Variants in ATP8A1 observed in about 807,000 individuals in gnomAD.
ATP8A1 encodes the protein phospholipid-transporting ATPase IA.
Under a neutral mutation model 177.7 loss-of-function variants are expected in ATP8A1, and 90 were observed. The observed-to-expected ratio is 0.51, with a 90% CI of 0.43 to 0.60. The LOEUF (loss-of-function observed/expected upper bound fraction) is 0.60. ATP8A1 is among the 20% of genes least tolerant of loss of function. The pLI is 0.00. For missense variants in ATP8A1, 1,072 were observed against 1,392.8 expected (o/e 0.77, Z 3.67); for synonymous variants, 493 against 485.9 (o/e 1.01, Z -0.19).
intron 25 of ATP8A1, among the ~76,000 whole-genome samples, chr4:42,482,394 C>T (rs1484059165): frequency 6.6e-6 from 1 of 151,410 alleles, no homozygotes; most frequent in Admixed American, 6.6e-5. Context: ...GGTTTCATTC[C>T]ACTTCTTGGG....
At position 42,556,051 on chromosome 4, in the gene ATP8A1, T is replaced by C. The variant is rs368752299; in HGVS notation, c.1341-11A>G. 23 of 1,600,798 alleles carry C rather than the reference T, an allele frequency of 1.4e-5. No homozygotes were observed. In the African/African-American group the frequency reaches 3.0e-4, roughly 21 times the overall value. The stretch of plus-strand genomic sequence containing the variant: ...AACTGTGAGTTCTGCCTGAAGGGGG[T>C]AAAAAATAGAGTAAACCCAGTTCAT... On this transcript the variant is annotated splice_polypyrimidine_tract_variant and intron_variant, in intron 15 of 36. Transcript: ENST00000381668.
At chr4:42,492,997 T>G (rs1260653966) in intron 24 of ATP8A1, among the ~76,000 whole-genome samples, 1 of 152,130 alleles carries the variant, frequency 6.6e-6, no homozygotes, top group Admixed American at 6.5e-5. Context: ...TGAAACGAGG[T>G]AACTGGAGGC....
intron 24 of ATP8A1, among the ~76,000 whole-genome samples, chr4:42,502,237 T>G (rs1723929849): frequency 6.6e-6 from 1 of 152,190 alleles, no homozygotes; most frequent in Non-Finnish European, 1.5e-5. Context: ...TACCAATGTT[T>G]GCTCTGGTAG....
intron 15 of ATP8A1, among the ~76,000 whole-genome samples, chr4:42,567,287 C>T (rs1434710215): frequency 6.6e-6 from 1 of 152,086 alleles, no homozygotes; most frequent in Non-Finnish European, 1.5e-5. Context: ...ACCTGTAATC[C>T]CAGCACTTTG....
chr4:42,506,048 T>C (rs1212364008), intron 23 of ATP8A1, among the ~76,000 whole-genome samples: 1 of 152,184 alleles, frequency 6.6e-6, no homozygotes, highest in African/African-American at 2.4e-5. Flanking sequence ...TCCCAATTCC[T>C]ATGCTGAACT....
At chr4:42,478,745 C>T (rs1246574072) in intron 25 of ATP8A1, among the ~76,000 whole-genome samples, 3 of 152,144 alleles carry the variant, frequency 2.0e-5, no homozygotes, top group African/African-American at 7.2e-5. Context: ...ATATTTATGG[C>T]CCTGGGTTCT....
At chr4:42,501,560 T>G (rs571229786) in intron 24 of ATP8A1, among the ~76,000 whole-genome samples, 1 of 152,286 alleles carries the variant, frequency 6.6e-6, no homozygotes, top group Non-Finnish European at 1.5e-5. Flanking sequence ...ACTTAAATGC[T>G]AATTATTCTT....
intron 25 of ATP8A1, among the ~76,000 whole-genome samples, chr4:42,473,373 T>A (rs996606759): frequency 2.0e-5 from 3 of 152,128 alleles, no homozygotes; most frequent in Non-Finnish European, 4.4e-5. Context: ...GAGACAGAAA[T>A]TTTTCCTGCA....
chr4:42,421,118 T>C (rs1481081024), intron 35 of ATP8A1, among the ~76,000 whole-genome samples: 1 of 152,112 alleles, frequency 6.6e-6, no homozygotes, highest in Non-Finnish European at 1.5e-5. Flanking sequence ...ACTGACATAA[T>C]TAATTTACTA....
chr4:42,651,564 T>C (rs1390619161), intron 1 of ATP8A1, among the ~76,000 whole-genome samples: 2 of 152,322 alleles, frequency 1.3e-5, no homozygotes, highest in East Asian at 3.9e-4. Context: ...AACACAACAC[T>C]GGGTAATGTG....
At chr4:42,609,398 C>G (rs1261652904) in intron 5 of ATP8A1, among the ~76,000 whole-genome samples, 1 of 152,190 alleles carries the variant, frequency 6.6e-6, no homozygotes, top group Non-Finnish European at 1.5e-5. Context: ...ATACCCTATT[C>G]TCGAAATGCT....
chr4:42,580,220 G>A (rs565820872), intron 10 of ATP8A1, among the ~76,000 whole-genome samples: 3 of 152,256 alleles, frequency 2.0e-5, no homozygotes, highest in East Asian at 3.9e-4. Flanking sequence ...AGAAGAGAAC[G>A]AAATTACATT....
chr4:42,636,564 T>C lies in ATP8A1; in HGVS notation c.50-9455A>G, dbSNP rs532366697. ...CATGGAAATTAAAATGGAAACTATTTAGCAATACCTCTCAAATTTCTAGAT... is the reference window on the plus strand; with the variant it reads ...CATGGAAATTAAAATGGAAACTATTCAGCAATACCTCTCAAATTTCTAGAT... On this transcript the variant is annotated intron_variant, in intron 1 of 36. Transcript: ENST00000381668. Among the ~76,000 whole-genome samples the C allele has an allele frequency of 1.6e-4, 25 of 152,294 alleles. 1 individual carries two copies. Among genetic ancestry groups the C allele is most frequent in the Admixed American group, 3.9e-4 (6 of 15,302 alleles).
At chr4:42,544,445 A>C (rs1412162315) in intron 19 of ATP8A1, among the ~76,000 whole-genome samples, 1 of 152,228 alleles carries the variant, frequency 6.6e-6, no homozygotes, top group Non-Finnish European at 1.5e-5. Flanking sequence ...CTAGTACTTT[A>C]AAAAACAACT....
At chr4:42,563,715 A>C (rs970017414) in intron 15 of ATP8A1, among the ~76,000 whole-genome samples, 1 of 152,230 alleles carries the variant, frequency 6.6e-6, no homozygotes, top group Non-Finnish European at 1.5e-5. Flanking sequence ...GCCATAACTA[A>C]AAGAGGCTAG....
chr4:42,596,975 C>A (rs990884670), intron 6 of ATP8A1, among the ~76,000 whole-genome samples: 2 of 152,150 alleles, frequency 1.3e-5, no homozygotes, highest in African/African-American at 4.8e-5. Context: ...TTTGTGATTA[C>A]CATACTTTCT....
At chr4:42,510,700 G>T (rs1724914197) in intron 22 of ATP8A1, among the ~76,000 whole-genome samples, 1 of 152,026 alleles carries the variant, frequency 6.6e-6, no homozygotes, top group South Asian at 2.1e-4. Flanking sequence ...TATATTTTCT[G>T]TCTCTACTCT....
At chr4:42,499,004 T>C (rs962637280) in intron 24 of ATP8A1, among the ~76,000 whole-genome samples, 6 of 152,220 alleles carry the variant, frequency 3.9e-5, no homozygotes, top group Non-Finnish European at 8.8e-5. Flanking sequence ...CAGGTATAAA[T>C]GTGATTGTCC....
chr4:42,464,855 T>C, intron 26 of ATP8A1, 38 bp downstream of exon 26: 4 of 1,612,570 alleles, frequency 2.5e-6, no homozygotes, highest in Non-Finnish European at 3.4e-6. Flanking sequence ...ATCAGTTGAC[T>C]GAGAGGAATG....
Sources: gnomAD v4.1 joint callset for allele counts (sites outside exome capture counted in the v4.1 genomes callset) on GRCh38, gnomAD v4.1.1 for gene constraint, MANE v1.5 for transcripts, NCBI Gene and HGNC (gene_info 2026-07-23, HGNC 2026-07-21) for gene names.